CDH13: variants seen among roughly 807,000 people sequenced by gnomAD.
CDH13 encodes the protein cadherin 13.
Under a neutral mutation model 63.8 loss-of-function variants are expected in CDH13, and 24 were observed. That is an observed-to-expected ratio of 0.38 (90% confidence interval 0.27 to 0.53). The LOEUF is 0.53. Among genes scored for constraint, CDH13 ranks in the 20% least tolerant of loss-of-function variants. The pLI is 0.85. For synonymous variants in CDH13, 503 were observed against 355.3 expected (o/e 1.42, Z -4.67); for missense variants, 1,049 against 903.1 (o/e 1.16, Z -2.07).
intron 5 of CDH13, among the ~76,000 whole-genome samples, chr16:83,333,695 A>G (rs1406658334): frequency 6.6e-6 from 1 of 152,146 alleles, no homozygotes; most frequent in East Asian, 1.9e-4. Context: ...TCTAAACACC[A>G]TATGTTGCTA....
intron 2 of CDH13, among the ~76,000 whole-genome samples, chr16:82,886,317 C>G (rs1463072785): frequency 6.6e-6 from 1 of 152,174 alleles, no homozygotes. Flanking sequence ...AAAGCTGAAT[C>G]ATATTGCCAC....
At chr16:83,767,883 A>T (rs892826877) in intron 11 of CDH13, among the ~76,000 whole-genome samples, 1 of 152,148 alleles carries the variant, frequency 6.6e-6, no homozygotes, top group Admixed American at 6.6e-5. Flanking sequence ...CCCAAGGTTT[A>T]TTTTTGGGGG....
At chr16:83,068,952 G>A (rs531837635) in intron 3 of CDH13, among the ~76,000 whole-genome samples, 1 of 152,264 alleles carries the variant, frequency 6.6e-6, no homozygotes, top group Non-Finnish European at 1.5e-5. Flanking sequence ...TCACTATGAA[G>A]GTTTAGAAGG....
intron 7 of CDH13, among the ~76,000 whole-genome samples, chr16:83,498,699 A>G (rs566285508): frequency 6.6e-6 from 1 of 152,334 alleles, no homozygotes; most frequent in African/African-American, 2.4e-5. Flanking sequence ...CTCCCACTAT[A>G]CAAATCAATA....
At chr16:82,953,696 G>GA (rs1299540508) in intron 2 of CDH13, 1 of 152,112 alleles carries the variant, frequency 6.6e-6, no homozygotes, top group African/African-American at 2.4e-5. Flanking sequence ...CAATTGGATG[G>GA]AAAATAATGA....
chr16:82,792,966 C>G (rs771157752), intron 1 of CDH13, among the ~76,000 whole-genome samples: 2 of 152,236 alleles, frequency 1.3e-5, no homozygotes, highest in East Asian at 1.9e-4. Flanking sequence ...GGAAATAATT[C>G]TTGCTTGCCC....
rs150465887 is a variant in CDH13, at chr16:83,114,242, C to T, written c.367-11143C>T. 1.6e-3 allele frequency among the ~76,000 whole-genome samples: 250 copies of T among 152,142 alleles called. 1 individual carries two copies. The highest frequency in any genetic ancestry group is 5.6e-3 in the African/African-American group (231 of 41,490). On this transcript the variant is annotated intron_variant, in intron 3 of 13. Transcript: ENST00000567109. The stretch of plus-strand genomic sequence containing the variant: ...TTTTTATTTTAATTTTGAGATTGGC[C>T]GTCCCCAACGCCTCTGATGTGTGAC...
At chr16:83,221,160 A>G (rs2039689091) in intron 5 of CDH13, among the ~76,000 whole-genome samples, 1 of 152,236 alleles carries the variant, frequency 6.6e-6, no homozygotes, top group Admixed American at 6.5e-5. Flanking sequence ...ATCCCCAGCT[A>G]GATTTTATAT....
intron 7 of CDH13, among the ~76,000 whole-genome samples, chr16:83,594,239 ATCTC>A (rs1447225280): frequency 6.6e-6 from 1 of 152,212 alleles, no homozygotes; most frequent in Non-Finnish European, 1.5e-5. Flanking sequence ...TAGCAGTAGC[ATCTC>A]TCCAGCATTT....
chr16:83,545,768 G>A (rs552272900), intron 7 of CDH13, among the ~76,000 whole-genome samples: 1 of 152,158 alleles, frequency 6.6e-6, no homozygotes, highest in South Asian at 2.1e-4. Context: ...CCCTTTATCT[G>A]CCAGGCTAAG....
chr16:83,501,273 A>G (rs1316587164), intron 7 of CDH13, among the ~76,000 whole-genome samples: 1 of 152,248 alleles, frequency 6.6e-6, no homozygotes, highest in East Asian at 1.9e-4. Flanking sequence ...AATTCAGTGA[A>G]TGGCATTTCT....
At chr16:83,499,888 C>T (rs545361495) in intron 7 of CDH13, among the ~76,000 whole-genome samples, 2 of 152,250 alleles carry the variant, frequency 1.3e-5, no homozygotes, top group African/African-American at 2.4e-5. Flanking sequence ...CTGCAATCTC[C>T]ACCTCCCGGG....
chr16:83,578,319 G>C, intron 7 of CDH13, among the ~76,000 whole-genome samples: 1 of 152,190 alleles, frequency 6.6e-6, no homozygotes, highest in South Asian at 2.1e-4. Flanking sequence ...AAATTTGCTG[G>C]GACTTAAGGT....
chr16:83,614,671 G>A (rs1346192000), intron 8 of CDH13, among the ~76,000 whole-genome samples: 1 of 152,174 alleles, frequency 6.6e-6, no homozygotes, highest in Non-Finnish European at 1.5e-5. Flanking sequence ...AGATTTGAGG[G>A]TTGGTCAGGA....
At chr16:82,818,197 C>T (rs533198366) in intron 1 of CDH13, among the ~76,000 whole-genome samples, 2 of 152,048 alleles carry the variant, frequency 1.3e-5, no homozygotes, top group East Asian at 3.9e-4. Flanking sequence ...TTAAGTAGAT[C>T]ACAACCCTGC....
At chr16:83,573,050 T>C (rs1447024823) in intron 7 of CDH13, among the ~76,000 whole-genome samples, 2 of 152,196 alleles carry the variant, frequency 1.3e-5, no homozygotes, top group Non-Finnish European at 2.9e-5. Context: ...CCACAGAATA[T>C]AGTAAGAACA....
Position 83,045,928 on chromosome 16 carries a change from A to G in CDH13, c.366+13710A>G, listed in dbSNP as rs1427510511. On this transcript the variant is annotated intron_variant, in intron 3 of 13. Coordinates refer to ENST00000567109, the MANE Select transcript of CDH13 (RefSeq NM_001257.5). ...AGCCTATTTGGCCCTAGCCAAATAC[A>G]TCCTCCAGTCTACCCATGTTGGGCA... 2.0e-5 allele frequency among the ~76,000 whole-genome samples: 3 copies of G among 152,352 alleles called. No homozygotes were observed. The East Asian group carries it at 5.8e-4, about 29-fold the overall frequency.
Position 82,965,363 on chromosome 16 carries a change from G to A in CDH13, c.158-66647G>A, listed in dbSNP as rs144478540. 1.6e-4 allele frequency among the ~76,000 whole-genome samples: 24 copies of A among 152,272 alleles called. No homozygotes were observed. The East Asian group carries it at 4.2e-3, about 27-fold the overall frequency. ...AGGAGACAAAGATGCAAAATTTTTA[G>A]TTTGGTTTTATTCTCATTTAAGTTT... On this transcript the variant is annotated intron_variant, in intron 2 of 13. Transcript: ENST00000567109.
intron 6 of CDH13, among the ~76,000 whole-genome samples, chr16:83,346,805 T>G (rs1328720979): frequency 1.3e-5 from 2 of 152,244 alleles, no homozygotes; most frequent in Non-Finnish European, 2.9e-5. Flanking sequence ...TTTTGTGTAT[T>G]TTTTAGATAG....
Sources: gnomAD v4.1 joint callset for allele counts (sites outside exome capture counted in the v4.1 genomes callset) on GRCh38, gnomAD v4.1.1 for gene constraint, MANE v1.5 for transcripts, NCBI Gene and HGNC (gene_info 2026-07-23, HGNC 2026-07-21) for gene names.